Variants in CDC42SE2 observed in about 807,000 individuals in gnomAD.
CDC42SE2 encodes CDC42 small effector 2, also known as CDC42 small effector protein 2.
A neutral mutation model predicts 11.5 loss-of-function variants in CDC42SE2; 3 were observed. The observed-to-expected ratio is 0.26, with a 90% CI of 0.12 to 0.67. The LOEUF (loss-of-function observed/expected upper bound fraction) is 0.67, where lower values mean the gene tolerates loss of function less well. Among genes scored for constraint, CDC42SE2 ranks in the 30% least tolerant of loss-of-function variants. CDC42SE2 has a pLI of 0.80. For synonymous variants in CDC42SE2, 33 were observed against 34.8 expected (o/e 0.95, Z 0.18); for missense variants, 82 against 106.8 (o/e 0.77, Z 1.02).
chr5:131,232,484 G>A, the CDC42SE2 span, among the ~76,000 whole-genome samples: 6 of 152,082 alleles, frequency 3.9e-5, no homozygotes, highest in Admixed American at 2.6e-4. Flanking sequence ...TGTAATCCCA[G>A]CACTTTGGGA....
intron 1 of CDC42SE2, among the ~76,000 whole-genome samples, chr5:131,293,089 C>T (rs890555437): frequency 1.3e-5 from 2 of 152,092 alleles, no homozygotes; most frequent in African/African-American, 4.8e-5. Flanking sequence ...ATTTGCGTCT[C>T]TCTTCCCCAC....
chr5:131,313,699 C>T (rs1275903310), intron 1 of CDC42SE2, among the ~76,000 whole-genome samples: 1 of 152,186 alleles, frequency 6.6e-6, no homozygotes, highest in Non-Finnish European at 1.5e-5. Flanking sequence ...CCTACTAGTA[C>T]AGTGTTTTTG....
intron 1 of CDC42SE2, among the ~76,000 whole-genome samples, chr5:131,302,230 A>G (rs1413994513): frequency 6.6e-6 from 1 of 150,722 alleles, no homozygotes; most frequent in Non-Finnish European, 1.5e-5. Flanking sequence ...CCCAGGCTGG[A>G]GTGCAATGGT....
intron 2 of CDC42SE2, among the ~76,000 whole-genome samples, chr5:131,257,318 A>C (rs1261368824): frequency 6.6e-6 from 1 of 152,004 alleles, no homozygotes; most frequent in African/African-American, 2.4e-5. Context: ...GCCGGTCTCA[A>C]ACTCCTGATC....
intron 2 of CDC42SE2, among the ~76,000 whole-genome samples, chr5:131,357,895 T>G (rs1749598190): frequency 6.6e-6 from 1 of 152,222 alleles, no homozygotes; most frequent in Non-Finnish European, 1.5e-5. Flanking sequence ...TGCTGCACAG[T>G]CTAAGGAATA....
At chr5:131,261,387 C>G (rs1756724774), upstream of CDC42SE2, 1 of 152,154 alleles carries the variant, frequency 6.6e-6, no homozygotes, top group African/African-American at 2.4e-5. Context: ...TGATGAAACA[C>G]ATTGTCAATT....
chr5:131,294,796 A>G (rs1341839761), intron 1 of CDC42SE2, among the ~76,000 whole-genome samples: 1 of 152,142 alleles, frequency 6.6e-6, no homozygotes, highest in East Asian at 1.9e-4. Flanking sequence ...GTTCGAGACC[A>G]GCCTGGCCAA....
intron 1 of CDC42SE2, among the ~76,000 whole-genome samples, chr5:131,284,989 TA>T (rs946599724): frequency 6.6e-6 from 1 of 151,502 alleles, no homozygotes; most frequent in East Asian, 1.9e-4. Flanking sequence ...ACCCTATCTC[TA>T]AAAAAACAAA....
At chr5:131,211,106 G>A in the CDC42SE2 span, among the ~76,000 whole-genome samples, 1 of 152,108 alleles carries the variant, frequency 6.6e-6, no homozygotes, top group African/African-American at 2.4e-5. Flanking sequence ...CAAAGTGCTG[G>A]GATTACAGAT....
rs140208294 is a variant in CDC42SE2, at chr5:131,306,101, C to T, written c.-454-9875C>T. On this transcript the variant is annotated intron_variant, in intron 1 of 4. Coordinates refer to ENST00000505065, the MANE Select transcript of CDC42SE2 (RefSeq NM_001375635.1). ...TGTATGGAAAATTCCACAAAATAAA[C>T]AATTCTTACGTTTTAAATTATGTGT... Among the ~76,000 whole-genome samples, 5 of 152,282 alleles carry T rather than the reference C, an allele frequency of 3.3e-5. No individual in the cohort carries two copies. In the East Asian group the frequency reaches 9.6e-4, roughly 29 times the overall value.
chr5:131,337,858 GCTGT>G (rs1758612919), intron 2 of CDC42SE2, among the ~76,000 whole-genome samples: 1 of 152,228 alleles, frequency 6.6e-6, no homozygotes, highest in Non-Finnish European at 1.5e-5. Context: ...TTTTCCAGGT[GCTGT>G]CTGTCACCCT....
At chr5:131,348,871 C>G (rs1319159439) in intron 2 of CDC42SE2, among the ~76,000 whole-genome samples, 3 of 152,122 alleles carry the variant, frequency 2.0e-5, no homozygotes, top group East Asian at 3.9e-4. Flanking sequence ...AGAAACCTGA[C>G]AAAAACAAGA....
chr5:131,236,309 T>G, the CDC42SE2 span, among the ~76,000 whole-genome samples: 1 of 152,202 alleles, frequency 6.6e-6, no homozygotes, highest in Non-Finnish European at 1.5e-5. Flanking sequence ...TTAATAAATA[T>G]TCTTCCATAT....
At chr5:131,228,756 T>C in the CDC42SE2 span, among the ~76,000 whole-genome samples, 1 of 152,076 alleles carries the variant, frequency 6.6e-6, no homozygotes, top group South Asian at 2.1e-4. Context: ...TATGTGACCA[T>C]AAGGATGGGT....
the CDC42SE2 span, among the ~76,000 whole-genome samples, chr5:131,220,331 G>A: frequency 2.6e-5 from 4 of 151,956 alleles, no homozygotes; most frequent in African/African-American, 7.2e-5. Flanking sequence ...TCAGCCTCCC[G>A]AGTAGCTGGG....
intron 3 of CDC42SE2, among the ~76,000 whole-genome samples, chr5:131,376,220 C>T (rs945193795): frequency 8.7e-6 from 1 of 115,042 alleles, no homozygotes; most frequent in African/African-American, 6.0e-5. Context: ...ACCTGGGTGA[C>T]GAATGACTCT....
intron 2 of CDC42SE2, among the ~76,000 whole-genome samples, chr5:131,345,148 A>C (rs1323518562): frequency 2.0e-5 from 3 of 152,212 alleles, no homozygotes; most frequent in African/African-American, 7.2e-5. Context: ...TGGACAGAGA[A>C]TGACTTTGGC....
chr5:131,393,551 G>T lies in CDC42SE2; in HGVS notation c.*2460G>T, dbSNP rs1750737868. 1 of 152,360 alleles carries T rather than the reference G, an allele frequency of 6.6e-6. No individual in the cohort carries two copies. The allele number at this position is 152,360 out of a possible 1,614,324, so 9.4% of individuals were successfully genotyped here. On this transcript the variant is annotated 3_prime_UTR_variant, in exon 5 of 5. Coordinates refer to ENST00000505065, the MANE Select transcript of CDC42SE2 (RefSeq NM_001375635.1). ...AAGTGGATGTTGCATTGTGGAATTT[G>T]CCTGAGTACTGTTGTCATTCTGCTC... is the stretch of plus-strand genomic sequence containing the variant.
At chr5:131,307,054 C>CT (rs202148520) in intron 1 of CDC42SE2, among the ~76,000 whole-genome samples, 139 of 149,480 alleles carry the variant, frequency 9.3e-4, no homozygotes, top group Middle Eastern at 3.4e-3. Context: ...TCTCTTCTTC[C>CT]TTTTTTTTTA....
Sources: gnomAD v4.1 joint callset for allele counts (sites outside exome capture counted in the v4.1 genomes callset) on GRCh38, gnomAD v4.1.1 for gene constraint, MANE v1.5 for transcripts, NCBI Gene and HGNC (gene_info 2026-07-23, HGNC 2026-07-21) for gene names.